The following ZFP41 variants were observed in gnomAD, a reference collection of about 807,000 sequenced individuals.
ZFP41 encodes the protein zinc finger protein 41 homolog.
Under a neutral mutation model 11.6 loss-of-function variants are expected in ZFP41, and 10 were observed. That is an observed-to-expected ratio of 0.86 (90% confidence interval 0.53 to 1.47). The LOEUF is 1.47. Among genes scored for constraint, ZFP41 ranks in the 40% most tolerant of loss-of-function variants. ZFP41 has a pLI of 0.00. For synonymous variants in ZFP41, 123 were observed against 100.9 expected (o/e 1.22, Z -1.31); for missense variants, 302 against 264.6 (o/e 1.14, Z -0.98).
intron 2 of ZFP41, chr8:143,252,651 G>A (rs1814801058): frequency 2.0e-6 from 2 of 984,712 alleles, no homozygotes; most frequent in Non-Finnish European, 2.4e-6. Flanking sequence ...GGGGTAGGTA[G>A]GTGGCAAGTC....
rs1460139061 is a variant in ZFP41 at position 143,261,469 on chromosome 8, G to GTCCA, written c.*2595_*2596insTCCA. 3 of 152,732 alleles carry GTCCA rather than the reference G, an allele frequency of 2.0e-5. No individual in the cohort carries two copies. Among genetic ancestry groups the GTCCA allele is most frequent in the Non-Finnish European group, 1.5e-5 (1 of 68,454 alleles). The allele number at this position is 152,732 out of a possible 1,614,324, so 9.5% of individuals were successfully genotyped here. A position where few individuals can be genotyped will look rare whatever the true frequency, so the allele number is the denominator to read the frequency against. On this transcript the variant is annotated 3_prime_UTR_variant, in exon 3 of 3. Coordinates refer to ENST00000330701, the MANE Select transcript of ZFP41 (RefSeq NM_173832.6). Reference sequence around the variant, plus strand: ...TGAGGTCCAGGGACGCAGGAAGGATGGGGTGAACTCCGGGATGGGGCCGGC... The same window carrying GTCCA: ...TGAGGTCCAGGGACGCAGGAAGGATGTCCAGGGTGAACTCCGGGATGGGGCCGGC...
At chr8:143,252,753 G>GAA in intron 2 of ZFP41, 2 of 525,190 alleles carry the variant, frequency 3.8e-6, no homozygotes, top group Non-Finnish European at 4.9e-6. Flanking sequence ...GGCTCCCCGG[G>GAA]GCTGTGGTCA....
rs1396300512 is a variant in ZFP41, at chr8:143,250,293, A to G, written c.450A>G (p.Lys150=). The G allele has an allele frequency of 1.2e-6, 2 of 1,613,936 alleles. No homozygotes were observed. The highest frequency in any genetic ancestry group is 2.2e-5 in the East Asian group (1 of 44,886). Residue 150 remains lysine (K), a synonymous_variant, in exon 2 of 3, where the codon AAA becomes AAG. Coordinates refer to ENST00000330701, the MANE Select transcript of ZFP41 (RefSeq NM_173832.6). The part of the protein sequence containing the change: ...EKPFKCGECG[K]AFNCGSNLLK... Reference sequence around the variant, plus strand: ...CCTTCAAATGCGGGGAGTGCGGGAAAGCCTTTAACTGCGGCTCCAATCTCC... The same window carrying G: ...CCTTCAAATGCGGGGAGTGCGGGAAGGCCTTTAACTGCGGCTCCAATCTCC...
chr8:143,254,953 A>G (rs888449986), intron 2 of ZFP41, among the ~76,000 whole-genome samples: 3 of 152,178 alleles, frequency 2.0e-5, no homozygotes, highest in Admixed American at 1.3e-4. Flanking sequence ...AACCTAGGTT[A>G]TTATAAATAA....
chr8:143,255,498 G>C (rs567298254), intron 2 of ZFP41, among the ~76,000 whole-genome samples: 21 of 141,612 alleles, frequency 1.5e-4, no homozygotes, highest in African/African-American at 5.1e-4. Context: ...CTCACCCCGC[G>C]TGCTGGTGTT....
chr8:143,260,715 C>A lies in ZFP41; in HGVS notation c.*1841C>A, dbSNP rs911848338. ...ACGCGGCCACCCTGACCAGCAGGCA[C>A]CATCCTTCCAGCCTTGCTCAGTCAC... is the stretch of plus-strand genomic sequence containing the variant. On this transcript the variant is annotated 3_prime_UTR_variant, in exon 3 of 3. Transcript: ENST00000330701. The A allele has an allele frequency of 2.0e-4, 38 of 190,882 alleles. No homozygotes were observed. The highest frequency in any genetic ancestry group is 9.5e-4 in the South Asian group (14 of 14,738). The allele number at this position is 190,882 out of a possible 1,614,324, so 11.8% of individuals were successfully genotyped here. A position where few individuals can be genotyped will look rare whatever the true frequency, so the allele number is the denominator to read the frequency against.
At position 143,251,287 on chromosome 8, in the gene ZFP41, G is replaced by A. The variant is rs191613290; in HGVS notation, c.*847G>A. ...TCGGTCCAGCCTGCATCTGCCCCTC[G>A]GCCTTCCGACGTGGGCGGTGGGCCC... On this transcript the variant is annotated 3_prime_UTR_variant, in exon 2 of 3. Transcript: ENST00000330701. 3,069 of 167,286 alleles carry A rather than the reference G, an allele frequency of 0.018. 43 individuals carry two copies. The highest frequency in any genetic ancestry group is 0.026 in the Non-Finnish European group (1,801 of 68,338). The allele number at this position is 167,286 out of a possible 1,614,324, so 10.4% of individuals were successfully genotyped here.
intron 1 of ZFP41, chr8:143,249,463 A>G: frequency 5.5e-6 from 1 of 182,998 alleles, no homozygotes; most frequent in Admixed American, 5.3e-5. Context: ...CATGGTGTGC[A>G]GACCCGGAAC....
rs1815023405 is a variant in ZFP41 at position 143,260,923 on chromosome 8, C to CT, written c.*2051dup. 1 of 153,876 alleles carries CT rather than the reference C, an allele frequency of 6.5e-6. No homozygotes were observed. The highest frequency in any genetic ancestry group is 1.4e-5 in the Non-Finnish European group (1 of 69,106). The allele number at this position is 153,876 out of a possible 1,614,324, so 9.5% of individuals were successfully genotyped here. A position where few individuals can be genotyped will look rare whatever the true frequency, so the allele number is the denominator to read the frequency against. On this transcript the variant is annotated 3_prime_UTR_variant, in exon 3 of 3. Coordinates refer to ENST00000330701, the MANE Select transcript of ZFP41 (RefSeq NM_173832.6). Reference sequence around the variant, plus strand: ...TGCAGGGACCTGCCATGGAGTGTCCCTTGTGCGAGCATTTTGAGAGCTATG... The same window carrying CT: ...TGCAGGGACCTGCCATGGAGTGTCCCTTTGTGCGAGCATTTTGAGAGCTATG...
intron 2 of ZFP41, among the ~76,000 whole-genome samples, chr8:143,254,454 A>G (rs895139205): frequency 6.6e-6 from 1 of 152,184 alleles, no homozygotes; most frequent in Non-Finnish European, 1.5e-5. Flanking sequence ...TGCTCAGAGC[A>G]GGCATCCTCT....
rs540658880 is a variant in ZFP41 at position 143,251,886 on chromosome 8, A to C, written c.*900+546A>C. On this transcript the variant is annotated intron_variant, in intron 2 of 2. Coordinates refer to ENST00000330701, the MANE Select transcript of ZFP41 (RefSeq NM_173832.6). ...TGGGAGGATGCTTCAGTCCCTCTGC[A>C]CTCAGACGTGTTGGAAGCACATTCC... 3.9e-5 allele frequency among the ~76,000 whole-genome samples: 6 copies of C among 152,206 alleles called. No individual in the cohort carries two copies. The East Asian group carries it at 9.7e-4, about 25-fold the overall frequency.
intron 1 of ZFP41, chr8:143,247,696 C>G (rs960513502): frequency 6.6e-6 from 1 of 152,248 alleles, no homozygotes; most frequent in Non-Finnish European, 1.5e-5. Context: ...GTGTGGCAAG[C>G]GTGGGTTGCG....
In ZFP41 at chr8:143,249,888, G is replaced by A. The variant is rs1395944181; in HGVS notation, c.45G>A (p.Arg15=). 47 of 1,611,080 alleles carry A rather than the reference G, an allele frequency of 2.9e-5. No homozygotes were observed. The highest frequency in any genetic ancestry group is 4.0e-5 in the Non-Finnish European group (47 of 1,179,100). The change falls in exon 2 of 3, where the codon AGG becomes AGA. Residue 15 remains arginine, a synonymous_variant. Transcript: ENST00000330701. ...GAAAAAAGAAGACGCCGACCCCAAG[G>A]GAGGAGGCAGACGTGCAGAAGAGTG... The part of the protein sequence containing the change: ...AGRKKKTPTP[R]EEADVQKSAL...
rs1479481981 is a variant in ZFP41 at position 143,249,887 on chromosome 8, G to A, written c.44G>A (p.Arg15Lys). 26 of 1,610,122 alleles carry A rather than the reference G, an allele frequency of 1.6e-5. No individual in the cohort carries two copies. The highest frequency in any genetic ancestry group is 2.1e-5 in the Non-Finnish European group (25 of 1,178,788). The change falls in exon 2 of 3, where the codon AGG becomes AAG. Residue 15 changes from arginine to lysine, a missense_variant. Coordinates refer to ENST00000330701, the MANE Select transcript of ZFP41 (RefSeq NM_173832.6). Reference protein sequence around the residue: ...AGRKKKTPTPREEADVQKSAL... With the variant: ...AGRKKKTPTPKEEADVQKSAL... ...AGAAAAAAGAAGACGCCGACCCCAA[G>A]GGAGGAGGCAGACGTGCAGAAGAGT...
chr8:143,248,862 C>T (rs1362939904), intron 1 of ZFP41, among the ~76,000 whole-genome samples: 1 of 152,234 alleles, frequency 6.6e-6, no homozygotes, highest in Non-Finnish European at 1.5e-5. Context: ...TTCATCTAAA[C>T]ATTTTCCTGT....
At chr8:143,248,548 C>G (rs1816736166) in intron 1 of ZFP41, 1 of 152,352 alleles carries the variant, frequency 6.6e-6, no homozygotes, top group East Asian at 1.9e-4. Flanking sequence ...CCAGCTCCGC[C>G]CTGCCCATGA....
intron 2 of ZFP41, chr8:143,253,220 C>T (rs528306565): frequency 6.6e-6 from 1 of 152,446 alleles, no homozygotes; most frequent in Admixed American, 6.5e-5. Flanking sequence ...CACTGACGTC[C>T]TCCTACTGCA....
chr8:143,254,394 G>A (rs868855034), intron 2 of ZFP41, among the ~76,000 whole-genome samples: 7 of 152,170 alleles, frequency 4.6e-5, no homozygotes, highest in Non-Finnish European at 7.3e-5. Flanking sequence ...CCGGCGTCAG[G>A]AGTCAGGAAC....
intron 1 of ZFP41, among the ~76,000 whole-genome samples, chr8:143,248,717 T>C (rs1335798141): frequency 1.3e-5 from 2 of 151,986 alleles, no homozygotes; most frequent in East Asian, 3.9e-4. Context: ...GCAGAGATGC[T>C]GCTTTATGCC....
Sources: gnomAD v4.1 joint callset for allele counts (sites outside exome capture counted in the v4.1 genomes callset) on GRCh38, gnomAD v4.1.1 for gene constraint, MANE v1.5 for transcripts, NCBI Gene and HGNC (gene_info 2026-07-23, HGNC 2026-07-21) for gene names.